The following KAT14 variants were observed in gnomAD, a reference collection of about 807,000 sequenced individuals.
KAT14 encodes lysine acetyltransferase 14.
In KAT14, 66 loss-of-function variants were observed where a neutral mutation model predicts 78.4. The observed-to-expected ratio is 0.84, with a 90% CI of 0.69 to 1.03. The LOEUF is 1.03. Ranked by LOEUF, KAT14 falls within the 50% of genes least tolerant of loss-of-function variation. The probability of loss-of-function intolerance (pLI) is 0.00; values close to 1 mark genes in which losing one functional copy is unlikely to be tolerated. For missense variants in KAT14, 870 were observed against 972.5 expected (o/e 0.89, Z 1.40); for synonymous variants, 344 against 359.4 (o/e 0.96, Z 0.48).
chr20:18,145,156 G>T (rs1196592371), intron 2 of KAT14, 77 bp from the exon 3 acceptor site: 38 of 1,513,096 alleles, frequency 2.5e-5, no homozygotes, highest in Non-Finnish European at 3.4e-5. Context: ...GGAAAATCTG[G>T]GTGATAAACG....
At chr20:18,159,352 G>C (rs2038337289) in intron 5 of KAT14, 87 bp downstream of exon 5, 1 of 1,471,072 alleles carries the variant, frequency 6.8e-7, no homozygotes, top group Non-Finnish European at 9.1e-7. Flanking sequence ...CTTCCACTGG[G>C]CATGGCTCGC....
intron 7 of KAT14, among the ~76,000 whole-genome samples, chr20:18,171,138 GAA>G (rs1318576929): frequency 1.3e-5 from 2 of 152,152 alleles, no homozygotes; most frequent in African/African-American, 4.8e-5. Context: ...TTCATGGGAG[GAA>G]TCAAAATTTC....
At chr20:18,142,150 A>G in intron 1 of KAT14, 58 bp from the exon 2 acceptor site, 4 of 1,494,920 alleles carry the variant, frequency 2.7e-6, no homozygotes, top group Non-Finnish European at 3.6e-6. Context: ...TTTGAATGGC[A>G]CAAGGATGGG....
intron 7 of KAT14, among the ~76,000 whole-genome samples, chr20:18,175,323 T>C (rs932845290): frequency 3.9e-5 from 6 of 152,134 alleles, no homozygotes; most frequent in Non-Finnish European, 5.9e-5. Context: ...CTAGTGCTGC[T>C]CTGGCGTTAC....
At position 18,138,038 on chromosome 20, in the gene KAT14, A is replaced by C. The variant is rs1221352255; in HGVS notation, c.-467A>C. 1.3e-6 allele frequency: 2 copies of C among 1,490,464 alleles called. No individual in the cohort carries two copies. Among genetic ancestry groups the C allele is most frequent in the African/African-American group, 1.5e-5 (1 of 68,616 alleles). 92.3% of individuals were successfully genotyped at this position (1,490,464 alleles called of 1,614,324 possible). A position where few individuals can be genotyped will look rare whatever the true frequency, so the allele number is the denominator to read the frequency against. On this transcript the variant is annotated 5_prime_UTR_variant, in exon 1 of 11. Transcript: ENST00000688188. ...GTGGCCGGCGTACATGTGAAGCAGC[A>C]GTGGGACCAGCAGGTCGGTGTCACG...
chr20:18,186,794 C>A (rs181267065), intron 10 of KAT14, among the ~76,000 whole-genome samples: 2 of 152,268 alleles, frequency 1.3e-5, no homozygotes, highest in African/African-American at 4.8e-5. Context: ...TATACAAGGG[C>A]CTCAGGTTTT....
chr20:18,182,778 C>T (rs918548727), intron 8 of KAT14, among the ~76,000 whole-genome samples: 6 of 152,120 alleles, frequency 3.9e-5, no homozygotes, highest in African/African-American at 7.2e-5. Flanking sequence ...CCAAATGCCC[C>T]GCAAAGTTGA....
At chr20:18,167,778 T>C (rs917288862) in intron 7 of KAT14, among the ~76,000 whole-genome samples, 1 of 152,196 alleles carries the variant, frequency 6.6e-6, no homozygotes, top group African/African-American at 2.4e-5. Context: ...GTGATGTTCA[T>C]TCTGTACCAT....
chr20:18,140,950 CAGGCTGAGGTGATCCTAT>C, intron 1 of KAT14, among the ~76,000 whole-genome samples: 1 of 149,468 alleles, frequency 6.7e-6, no homozygotes, highest in East Asian at 2.0e-4. Flanking sequence ...CTGTGCCTCC[CAGGCTGAGGTGATCCTAT>C]CACCTCAGCC....
chr20:18,156,578 A>C (rs2050364751), intron 4 of KAT14, among the ~76,000 whole-genome samples: 1 of 152,212 alleles, frequency 6.6e-6, no homozygotes, highest in Non-Finnish European at 1.5e-5. Flanking sequence ...GGATGGCTTA[A>C]ACAACAGAAA....
chr20:18,171,236 T>C (rs2038832931), intron 7 of KAT14, among the ~76,000 whole-genome samples: 4 of 152,174 alleles, frequency 2.6e-5, no homozygotes, highest in Admixed American at 2.6e-4. Context: ...AAGAAGTCAC[T>C]GTGGATGTGG....
intron 7 of KAT14, among the ~76,000 whole-genome samples, chr20:18,170,765 C>G (rs151151296): frequency 0.041 from 6,307 of 152,300 alleles, 186 homozygotes; most frequent in Middle Eastern, 0.088. Context: ...CCTCGATCTC[C>G]TGACCTCGTG....
chr20:18,145,154 T>C, intron 2 of KAT14, 79 bp from the exon 3 acceptor site: 1 of 1,507,062 alleles, frequency 6.6e-7, no homozygotes, highest in Non-Finnish European at 8.9e-7. Flanking sequence ...AAGGAAAATC[T>C]GGGTGATAAA....
At chr20:18,140,964 C>T (rs1400153985) in intron 1 of KAT14, among the ~76,000 whole-genome samples, 1 of 148,248 alleles carries the variant, frequency 6.7e-6, no homozygotes, top group Admixed American at 6.7e-5. Context: ...CTGAGGTGAT[C>T]CTATCACCTC....
rs575216107 is a variant in KAT14 at position 18,178,752 on chromosome 20, C to T, written c.1669-2958C>T. 2.2e-5 allele frequency among the ~76,000 whole-genome samples: 3 copies of T among 134,304 alleles called. No homozygotes were observed. In the East Asian group the frequency reaches 5.9e-4, roughly 26 times the overall value. 88.1% of individuals were successfully genotyped at this position (134,304 alleles called of 152,430 possible). A position where few individuals can be genotyped will look rare whatever the true frequency, so the allele number is the denominator to read the frequency against. ...GACACAGAGCCAAACCATATCATTC[C>T]ACCCCTGGCCTCTCCAAATCTCATG... On this transcript the variant is annotated intron_variant, in intron 7 of 10. Transcript: ENST00000688188.
chr20:18,173,664 A>G (rs2038935195), intron 7 of KAT14, among the ~76,000 whole-genome samples: 1 of 151,944 alleles, frequency 6.6e-6, no homozygotes, highest in Admixed American at 6.5e-5. Context: ...TTTTTAAACA[A>G]AATCCTTAAC....
In KAT14 at chr20:18,187,218, T is replaced by G. The variant is rs767822985; in HGVS notation, c.2173-68T>G. 67 of 1,522,928 alleles carry G rather than the reference T, an allele frequency of 4.4e-5. No individual in the cohort carries two copies. The Admixed American group carries it at 6.0e-4, about 14-fold the overall frequency. The allele number at this position is 1,522,928 out of a possible 1,614,324, so 94.3% of individuals were successfully genotyped here. On this transcript the variant is annotated intron_variant, in intron 10 of 10. Transcript: ENST00000688188. ...ACTAACTGCCTACACTTAAAAGCGTTTCTTTACCTACTCATTTTCCCTCAG... is the reference window on the plus strand; with the variant it reads ...ACTAACTGCCTACACTTAAAAGCGTGTCTTTACCTACTCATTTTCCCTCAG...
At position 18,150,811 on chromosome 20, in the gene KAT14, TG is replaced by T. The variant is rs1374866652; in HGVS notation, c.379-9del. 1 of 1,614,010 alleles carries T rather than the reference TG, an allele frequency of 6.2e-7. No homozygotes were observed. The highest frequency in any genetic ancestry group is 1.7e-5 in the Admixed American group (1 of 59,994). ...CTGTTCTCCCACCTCTTGTTTCAAT[TG>T]TGTTTCAGGTCGTCATGTTGGCAAT... On this transcript the variant is annotated splice_polypyrimidine_tract_variant and intron_variant, in intron 3 of 10. Coordinates refer to ENST00000688188, the MANE Select transcript of KAT14 (RefSeq NM_001392073.1).
At chr20:18,181,319 C>T (rs1358922660) in intron 7 of KAT14, among the ~76,000 whole-genome samples, 1 of 148,700 alleles carries the variant, frequency 6.7e-6, no homozygotes, top group Non-Finnish European at 1.5e-5. Context: ...AAATATGATA[C>T]TAATTATATA....
Sources: gnomAD v4.1 joint callset for allele counts (sites outside exome capture counted in the v4.1 genomes callset) on GRCh38, gnomAD v4.1.1 for gene constraint, MANE v1.5 for transcripts, NCBI Gene and HGNC (gene_info 2026-07-23, HGNC 2026-07-21) for gene names.